Variants in KALRN observed in about 807,000 individuals in gnomAD.
KALRN encodes the protein kalirin RhoGEF kinase, also known as kalirin.
Under a neutral mutation model 353.7 loss-of-function variants are expected in KALRN, and 70 were observed. The observed-to-expected ratio is 0.20, with a 90% CI of 0.16 to 0.24. The LOEUF is 0.24. Ranked by LOEUF, KALRN falls within the 10% of genes least tolerant of loss-of-function variation. The pLI is 1.00. For missense variants in KALRN, 2,791 were observed against 3,756.7 expected (o/e 0.74, Z 6.72); for synonymous variants, 1,391 against 1,434.8 (o/e 0.97, Z 0.69).
At chr3:124,377,672 AT>A (rs2086776187) in intron 10 of KALRN, among the ~76,000 whole-genome samples, 2 of 151,944 alleles carry the variant, frequency 1.3e-5, no homozygotes, top group Non-Finnish European at 2.9e-5. Flanking sequence ...GGATTTCTCT[AT>A]TTCTCCTTGT....
At chr3:124,107,762 T>C (rs536673692) in intron 1 of KALRN, among the ~76,000 whole-genome samples, 16 of 152,262 alleles carry the variant, frequency 1.1e-4, no homozygotes, top group Admixed American at 2.6e-4. Context: ...TGTGGGGTGC[T>C]GGGAGGGAGG....
intron 47 of KALRN, among the ~76,000 whole-genome samples, 172 bp downstream of exon 47, chr3:124,667,355 G>A (rs333343): frequency 0.015 from 2,262 of 152,232 alleles, 59 homozygotes; most frequent in African/African-American, 0.052. Context: ...GAATACACAA[G>A]CACAACAGAT....
intron 35 of KALRN, 107 bp downstream of exon 35, chr3:124,632,810 C>T (rs1258084693): frequency 9.4e-7 from 1 of 1,060,408 alleles, no homozygotes; most frequent in African/African-American, 1.6e-5. Flanking sequence ...AGTGTGTTAC[C>T]TTGAGCCTAA....
intron 16 of KALRN, among the ~76,000 whole-genome samples, chr3:124,432,008 A>G (rs2093296363): frequency 6.6e-6 from 1 of 152,230 alleles, no homozygotes; most frequent in African/African-American, 2.4e-5. Context: ...ACCAAAGGAA[A>G]TGAGTTTTAT....
At chr3:124,042,895 T>C (rs560887914) in intron 1 of KALRN, among the ~76,000 whole-genome samples, 1 of 152,250 alleles carries the variant, frequency 6.6e-6, no homozygotes, top group South Asian at 2.1e-4. Context: ...GCTGGAGCTA[T>C]CAAAATAGAT....
chr3:124,249,699 C>T (rs527706806), intron 3 of KALRN, among the ~76,000 whole-genome samples: 8 of 152,270 alleles, frequency 5.3e-5, no homozygotes, highest in Middle Eastern at 6.8e-3. Flanking sequence ...TGTGAGCTTC[C>T]TGAGCTTCTG....
intron 1 of KALRN, among the ~76,000 whole-genome samples, chr3:124,055,408 C>A (rs537170986): frequency 6.6e-6 from 1 of 152,310 alleles, no homozygotes; most frequent in Admixed American, 6.5e-5. Context: ...CATCTAATTT[C>A]TTCTCTCTAC....
At chr3:124,138,009 C>T (rs1267237449) in intron 1 of KALRN, among the ~76,000 whole-genome samples, 2 of 152,142 alleles carry the variant, frequency 1.3e-5, no homozygotes, top group African/African-American at 2.4e-5. Flanking sequence ...CTAGTCGGAG[C>T]TTAAGGCCCT....
chr3:124,488,091 A>G, intron 28 of KALRN, 113 bp from the exon 29 acceptor site: 1 of 637,264 alleles, frequency 1.6e-6, no homozygotes, highest in South Asian at 2.1e-5. Context: ...TTTATAGCTC[A>G]GAGGGAACCA....
At chr3:124,192,516 A>G (rs1300768564) in intron 1 of KALRN, among the ~76,000 whole-genome samples, 2 of 152,184 alleles carry the variant, frequency 1.3e-5, no homozygotes, top group African/African-American at 4.8e-5. Flanking sequence ...ATTTTAAAAT[A>G]AAGAATATAA....
At chr3:124,449,356 T>TA (rs2150713713) in intron 21 of KALRN, among the ~76,000 whole-genome samples, 1 of 152,142 alleles carries the variant, frequency 6.6e-6, no homozygotes, top group East Asian at 1.9e-4. Flanking sequence ...AAAAATGAAA[T>TA]AAAAAGTTTG....
chr3:124,233,863 G>C (rs1214241499), intron 2 of KALRN, among the ~76,000 whole-genome samples: 1 of 152,120 alleles, frequency 6.6e-6, no homozygotes, highest in Non-Finnish European at 1.5e-5. Context: ...TGACATAGTG[G>C]TTTTCTTTGT....
intron 1 of KALRN, chr3:124,094,986 C>A: frequency 7.5e-7 from 1 of 1,328,014 alleles, no homozygotes; most frequent in Non-Finnish European, 1.1e-6. Flanking sequence ...TGCAGAAAGA[C>A]ACAGCAGAGA....
At chr3:124,183,740 A>G (rs1157122267) in intron 1 of KALRN, among the ~76,000 whole-genome samples, 3 of 152,200 alleles carry the variant, frequency 2.0e-5, no homozygotes, top group Non-Finnish European at 4.4e-5. Context: ...ATAAATTGCT[A>G]TGGTTTAAGC....
rs10673161 is a variant in KALRN at position 124,646,391 on chromosome 3, C to CTTTT, written c.5665-4403_5665-4400dup. 7.7e-4 allele frequency among the ~76,000 whole-genome samples: 85 copies of CTTTT among 110,466 alleles called. 7 individuals are homozygous for CTTTT. The highest frequency in any genetic ancestry group is 5.6e-3 in the Admixed American group (55 of 9,774). 72.5% of individuals were successfully genotyped at this position (110,466 alleles called of 152,430 possible). ...GACTGCTAGAGGGATCTTTTGTTTACTTTTTTTTTTTTTTTTTGAGACAGA... is the reference window on the plus strand; with the variant it reads ...GACTGCTAGAGGGATCTTTTGTTTACTTTTTTTTTTTTTTTTTTTTTGAGACAGA... On this transcript the variant is annotated intron_variant, in intron 37 of 59. Transcript: ENST00000682506.
intron 3 of KALRN, among the ~76,000 whole-genome samples, chr3:124,243,480 G>A (rs779697220): frequency 5.9e-5 from 9 of 152,210 alleles, no homozygotes; most frequent in Middle Eastern, 6.3e-3. Context: ...TGCCTGTAGC[G>A]ATAAATCAAG....
intron 43 of KALRN, among the ~76,000 whole-genome samples, chr3:124,660,409 C>T (rs1241556488): frequency 6.6e-6 from 1 of 152,134 alleles, no homozygotes; most frequent in East Asian, 1.9e-4. Context: ...AGGCTGGGTG[C>T]AGTCACTCAC....
intron 1 of KALRN, among the ~76,000 whole-genome samples, chr3:124,175,630 T>C (rs1278090291): frequency 1.3e-5 from 2 of 150,630 alleles, no homozygotes; most frequent in African/African-American, 4.9e-5. Flanking sequence ...ATCTCCAGGA[T>C]GGGGAAATGT....
intron 10 of KALRN, among the ~76,000 whole-genome samples, chr3:124,378,620 A>G (rs114313362): frequency 0.02 from 3,101 of 152,138 alleles, 71 homozygotes; most frequent in Non-Finnish European, 0.029. Context: ...GTATATCTGA[A>G]AAAGTCTTTA....
Sources: allele counts gnomAD v4.1 joint callset (sites outside exome capture counted in the v4.1 genomes callset), GRCh38; gene constraint gnomAD v4.1.1; transcripts MANE v1.5; gene names NCBI Gene and HGNC (gene_info 2026-07-23, HGNC 2026-07-21).